Variants in ATXN7L1 observed in about 807,000 individuals in gnomAD.
ATXN7L1 encodes ataxin-7-like protein 1.
A neutral mutation model predicts 70.8 loss-of-function variants in ATXN7L1; 15 were observed. That is an observed-to-expected ratio of 0.21 (90% CI 0.14 to 0.33). ATXN7L1 has a LOEUF of 0.33. Among genes scored for constraint, ATXN7L1 ranks in the 10% least tolerant of loss-of-function variants. ATXN7L1 has a pLI of 1.00. For synonymous variants in ATXN7L1, 440 were observed against 445.1 expected, an observed-to-expected ratio of 0.99 and a Z score of 0.14; for missense variants, 975 against 1,097.1, an observed-to-expected ratio of 0.89 and a Z score of 1.57.
At chr7:105,821,565 C>G (rs949773354) in intron 2 of ATXN7L1, among the ~76,000 whole-genome samples, 1 of 152,158 alleles carries the variant, frequency 6.6e-6, no homozygotes, top group Non-Finnish European at 1.5e-5. Context: ...AGAGGAGTCA[C>G]TAACAAAGAT....
At chr7:105,723,336 A>G (rs772779966) in intron 3 of ATXN7L1, among the ~76,000 whole-genome samples, 15 of 152,242 alleles carry the variant, frequency 9.9e-5, no homozygotes, top group Non-Finnish European at 1.9e-4. Flanking sequence ...ATGACTAAAT[A>G]TGTGAATACA....
At chr7:105,830,130 G>A (rs1375827824) in intron 2 of ATXN7L1, among the ~76,000 whole-genome samples, 2 of 152,220 alleles carry the variant, frequency 1.3e-5, no homozygotes, top group African/African-American at 4.8e-5. Flanking sequence ...ATCCTACTAG[G>A]TCACGACAAG....
intron 3 of ATXN7L1, among the ~76,000 whole-genome samples, chr7:105,682,428 A>G (rs1395540235): frequency 6.6e-6 from 1 of 152,244 alleles, no homozygotes; most frequent in Non-Finnish European, 1.5e-5. Context: ...ACTCCTAGGT[A>G]TATATCCAAA....
chr7:105,814,842 TAAG>T (rs1808955500), intron 2 of ATXN7L1, among the ~76,000 whole-genome samples: 1 of 152,226 alleles, frequency 6.6e-6, no homozygotes, highest in Non-Finnish European at 1.5e-5. Flanking sequence ...ATTCTTTAAA[TAAG>T]AAGAGAATGT....
intron 2 of ATXN7L1, among the ~76,000 whole-genome samples, chr7:105,818,995 T>C (rs1809644066): frequency 6.6e-6 from 1 of 152,034 alleles, no homozygotes. Context: ...CAACTCATCA[T>C]TTACATTAGG....
At chr7:105,746,178 G>C (rs1169677366) in intron 3 of ATXN7L1, among the ~76,000 whole-genome samples, 3 of 152,154 alleles carry the variant, frequency 2.0e-5, no homozygotes, top group African/African-American at 7.2e-5. Flanking sequence ...AGGCCACCAG[G>C]ACTGCTCGGC....
chr7:105,676,564 G>A (rs1439137535), intron 3 of ATXN7L1, among the ~76,000 whole-genome samples: 2 of 152,180 alleles, frequency 1.3e-5, no homozygotes, highest in Non-Finnish European at 2.9e-5. Context: ...GAATGGCTGG[G>A]CATAGTGGCT....
chr7:105,828,600 T>C (rs1187557558), intron 2 of ATXN7L1, among the ~76,000 whole-genome samples: 1 of 152,234 alleles, frequency 6.6e-6, no homozygotes, highest in Non-Finnish European at 1.5e-5. Context: ...ATCAAACACA[T>C]ACTCTATGCC....
At chr7:105,819,141 T>G (rs1477224549) in intron 2 of ATXN7L1, among the ~76,000 whole-genome samples, 1 of 152,008 alleles carries the variant, frequency 6.6e-6, no homozygotes, top group Admixed American at 6.6e-5. Flanking sequence ...GTGTTTGGTT[T>G]TCTGTCCTTG....
At chr7:105,782,962 A>G (rs1443693445) in intron 3 of ATXN7L1, among the ~76,000 whole-genome samples, 1 of 152,224 alleles carries the variant, frequency 6.6e-6, no homozygotes, top group African/African-American at 2.4e-5. Context: ...AGAAACATTC[A>G]ACTTAATAAA....
At chr7:105,689,826 C>A (rs1476697399) in intron 3 of ATXN7L1, among the ~76,000 whole-genome samples, 1 of 152,186 alleles carries the variant, frequency 6.6e-6, no homozygotes, top group Non-Finnish European at 1.5e-5. Context: ...CTTCTCAGCT[C>A]CCCTGTATGA....
chr7:105,781,527 A>G lies in ATXN7L1; in HGVS notation c.355+7077T>C, dbSNP rs76889250. 2.8e-4 allele frequency among the ~76,000 whole-genome samples: 43 copies of G among 152,328 alleles called. No homozygotes were observed. In the East Asian group the frequency reaches 7.9e-3, roughly 28 times the overall value. ...CCTGGATTCTCTCTGGGCTGAGGTA[A>G]GGACCCACCACAGCTCTGACAAGAC... On this transcript the variant is annotated intron_variant, in intron 3 of 11. Coordinates refer to ENST00000419735, the MANE Select transcript of ATXN7L1 (RefSeq NM_020725.2).
At chr7:105,629,671 A>G (rs2115845341) in intron 7 of ATXN7L1, among the ~76,000 whole-genome samples, 1 of 151,064 alleles carries the variant, frequency 6.6e-6, no homozygotes, top group East Asian at 1.9e-4. Context: ...ACCTGCCACC[A>G]CGCCCGGCTA....
chr7:105,657,964 T>C (rs1411400155), intron 4 of ATXN7L1, among the ~76,000 whole-genome samples: 1 of 152,172 alleles, frequency 6.6e-6, no homozygotes, highest in African/African-American at 2.4e-5. Flanking sequence ...AGATGTGCTG[T>C]AAGTGTAATA....
chr7:105,790,087 A>G (rs1448379988), intron 2 of ATXN7L1, among the ~76,000 whole-genome samples: 1 of 152,248 alleles, frequency 6.6e-6, no homozygotes, highest in Non-Finnish European at 1.5e-5. Flanking sequence ...TTTATATGAA[A>G]TGTCCAGAAT....
At chr7:105,727,779 C>CACACAT (rs1796078588) in intron 3 of ATXN7L1, among the ~76,000 whole-genome samples, 2 of 66,864 alleles carry the variant, frequency 3.0e-5, no homozygotes, top group Non-Finnish European at 5.3e-5. Flanking sequence ...TATATATATA[C>CACACAT]ACACACATAC....
chr7:105,764,523 G>A lies in ATXN7L1; in HGVS notation c.355+24081C>T, dbSNP rs538916245. 2.6e-5 allele frequency among the ~76,000 whole-genome samples: 4 copies of A among 152,278 alleles called. No individual in the cohort carries two copies. The South Asian group carries it at 6.2e-4, about 24-fold the overall frequency. ...AGGGGATTCTGACACATGACTACAA[G>A]TTGCGTATCACTGACTTAAAGGATT... On this transcript the variant is annotated intron_variant, in intron 3 of 11. Transcript: ENST00000419735.
intron 3 of ATXN7L1, among the ~76,000 whole-genome samples, chr7:105,725,904 T>C (rs913903464): frequency 3.5e-5 from 2 of 57,526 alleles, no homozygotes; most frequent in African/African-American, 2.2e-4. Flanking sequence ...TCTTTCTTTC[T>C]TTTTTTTTTT....
At chr7:105,627,721 G>A (rs748421171) in intron 7 of ATXN7L1, among the ~76,000 whole-genome samples, 6 of 151,734 alleles carry the variant, frequency 4.0e-5, no homozygotes, top group Non-Finnish European at 7.4e-5. Context: ...AAGTAGAGAC[G>A]GGGTTTCACC....
Sources: gnomAD v4.1 joint callset for allele counts (sites outside exome capture counted in the v4.1 genomes callset) on GRCh38, gnomAD v4.1.1 for gene constraint, MANE v1.5 for transcripts, NCBI Gene and HGNC (gene_info 2026-07-23, HGNC 2026-07-21) for gene names.